ANKS1B: variants seen among roughly 807,000 people sequenced by gnomAD.
ANKS1B encodes ankyrin repeat and sterile alpha motif domain-containing protein 1B.
In ANKS1B, 36 loss-of-function variants were observed where a neutral mutation model predicts 148.3. The observed-to-expected ratio is 0.24, with a 90% CI of 0.19 to 0.32. The LOEUF (loss-of-function observed/expected upper bound fraction) is 0.32, where lower values mean the gene tolerates loss of function less well. Among genes scored for constraint, ANKS1B ranks in the 10% least tolerant of loss-of-function variants. The pLI is 1.00. For synonymous variants in ANKS1B, 542 were observed against 560.8 expected, an observed-to-expected ratio of 0.97 and a Z score of 0.47; for missense variants, 1,157 against 1,542.6, an observed-to-expected ratio of 0.75 and a Z score of 4.19.
intron 17 of ANKS1B, among the ~76,000 whole-genome samples, chr12:98,836,444 G>A (rs1293060168): frequency 2.0e-5 from 3 of 152,036 alleles, no homozygotes; most frequent in African/African-American, 7.2e-5. Context: ...GGTGACAGTG[G>A]GCTTCAAAAC....
At position 98,768,472 on chromosome 12, in the gene ANKS1B, T is replaced by C. The variant is rs372677010; in HGVS notation, c.3579+4570A>G. 1.7e-3 allele frequency among the ~76,000 whole-genome samples: 234 copies of C among 136,962 alleles called. 2 individuals are homozygous for C. Among genetic ancestry groups the C allele is most frequent in the African/African-American group, 3.6e-3 (132 of 37,038 alleles). The allele number at this position is 136,962 out of a possible 152,430, so 89.9% of individuals were successfully genotyped here. A position where few individuals can be genotyped will look rare whatever the true frequency, so the allele number is the denominator to read the frequency against. ...AAAAAAGGCCGGGCACGGTGGCTCATGCCTGTAATCCCAGCACTTTGGGAG... is the reference window on the plus strand; with the variant it reads ...AAAAAAGGCCGGGCACGGTGGCTCACGCCTGTAATCCCAGCACTTTGGGAG... On this transcript the variant is annotated intron_variant, in intron 25 of 26. Transcript: ENST00000683438.
At chr12:99,673,400 C>G (rs2098547523) in intron 8 of ANKS1B, among the ~76,000 whole-genome samples, 3 of 152,116 alleles carry the variant, frequency 2.0e-5, no homozygotes, top group South Asian at 4.1e-4. Context: ...TTTGTTTTTA[C>G]ATCCCAAACA....
At chr12:98,803,704 C>G (rs1454959559) in intron 20 of ANKS1B, among the ~76,000 whole-genome samples, 2 of 152,166 alleles carry the variant, frequency 1.3e-5, no homozygotes, top group East Asian at 3.8e-4. Context: ...GGGCTGGGAA[C>G]AGGGCTGGGG....
intron 15 of ANKS1B, among the ~76,000 whole-genome samples, chr12:99,120,466 T>C (rs2062499244): frequency 6.6e-6 from 1 of 152,226 alleles, no homozygotes; most frequent in Non-Finnish European, 1.5e-5. Context: ...GTGAATATAA[T>C]CAATACATAA....
intron 1 of ANKS1B, among the ~76,000 whole-genome samples, chr12:99,861,842 C>A (rs1475482171): frequency 6.6e-6 from 1 of 151,990 alleles, no homozygotes; most frequent in Admixed American, 6.6e-5. Flanking sequence ...TATTCCAAAG[C>A]TGTTATACGA....
At chr12:99,473,166 TAGACATATTAATTATGTCAC>T (rs1298033572) in intron 10 of ANKS1B, among the ~76,000 whole-genome samples, 2 of 152,064 alleles carry the variant, frequency 1.3e-5, no homozygotes, top group Non-Finnish European at 2.9e-5. Context: ...ATATAGTCAT[TAGACATATTAATTATGTCAC>T]AGACATATTG....
intron 12 of ANKS1B, among the ~76,000 whole-genome samples, chr12:99,387,945 T>C (rs1465354503): frequency 6.6e-6 from 1 of 151,990 alleles, no homozygotes; most frequent in Admixed American, 6.6e-5. Context: ...CCATGAACTC[T>C]AAGAACAACA....
chr12:99,653,815 T>G (rs1462270958), intron 9 of ANKS1B, among the ~76,000 whole-genome samples: 1 of 151,668 alleles, frequency 6.6e-6, no homozygotes, highest in East Asian at 1.9e-4. Flanking sequence ...GGGTGTGTAC[T>G]ACCACACCTG....
chr12:99,862,284 G>GA (rs1378274092), intron 1 of ANKS1B, among the ~76,000 whole-genome samples: 1 of 151,644 alleles, frequency 6.6e-6, no homozygotes, highest in South Asian at 2.1e-4. Flanking sequence ...GATTGTTTTT[G>GA]AAAAAAATAA....
At chr12:99,013,868 T>C (rs963575641) in intron 17 of ANKS1B, among the ~76,000 whole-genome samples, 1 of 151,790 alleles carries the variant, frequency 6.6e-6, no homozygotes, top group African/African-American at 2.4e-5. Flanking sequence ...AAATCAGAGA[T>C]GATACAAACA....
chr12:99,686,011 A>T (rs1053182772), intron 8 of ANKS1B, among the ~76,000 whole-genome samples: 1 of 152,078 alleles, frequency 6.6e-6, no homozygotes, highest in East Asian at 1.9e-4. Context: ...ATAAAAGACT[A>T]TGCATTGGGT....
chr12:98,765,875 A>G (rs1160056391), intron 25 of ANKS1B, among the ~76,000 whole-genome samples: 1 of 152,220 alleles, frequency 6.6e-6, no homozygotes, highest in East Asian at 1.9e-4. Context: ...GATTACAGGC[A>G]TGAGCCATCG....
intron 4 of ANKS1B, among the ~76,000 whole-genome samples, chr12:99,791,534 T>A (rs1313333816): frequency 6.6e-6 from 1 of 151,878 alleles, no homozygotes; most frequent in Non-Finnish European, 1.5e-5. Flanking sequence ...AAACATTTTT[T>A]AAAAATGAAA....
chr12:99,333,022 A>C (rs554141944), intron 12 of ANKS1B, among the ~76,000 whole-genome samples: 312 of 152,220 alleles, frequency 2.0e-3, no homozygotes, highest in Non-Finnish European at 3.6e-3. Context: ...GTTTTCCAGT[A>C]AGGCAATAAC....
chr12:99,414,364 T>C (rs1289890972), intron 11 of ANKS1B, among the ~76,000 whole-genome samples: 1 of 152,056 alleles, frequency 6.6e-6, no homozygotes, highest in Non-Finnish European at 1.5e-5. Context: ...CTAGTAAGAG[T>C]ATAAAGACAC....
rs745751689 is a variant in ANKS1B, at chr12:98,768,189, C to G, written c.3579+4853G>C. Among the ~76,000 whole-genome samples, 42 of 152,204 alleles carry G rather than the reference C, an allele frequency of 2.8e-4. 1 individual carries two copies. The Middle Eastern group carries it at 0.02, about 74-fold the overall frequency. On this transcript the variant is annotated intron_variant, in intron 25 of 26. Transcript: ENST00000683438. ...TATGACAACAACGAGAGCATAGACT[C>G]CAGAATACAGAGCAGGCTTGGTGCT... is the stretch of plus-strand genomic sequence containing the variant.
At chr12:99,098,509 G>T (rs1443341565) in intron 15 of ANKS1B, among the ~76,000 whole-genome samples, 2 of 151,790 alleles carry the variant, frequency 1.3e-5, no homozygotes, top group South Asian at 2.1e-4. Context: ...GTACAATGGG[G>T]ATAACACTAA....
intron 14 of ANKS1B, among the ~76,000 whole-genome samples, chr12:99,158,007 C>A (rs1238810253): frequency 6.6e-6 from 1 of 151,276 alleles, no homozygotes; most frequent in Non-Finnish European, 1.5e-5. Flanking sequence ...TACATGTTGA[C>A]AAAATGTTAT....
intron 1 of ANKS1B, among the ~76,000 whole-genome samples, chr12:99,951,364 CTATTTG>C (rs1332350011): frequency 1.3e-5 from 2 of 152,162 alleles, no homozygotes; most frequent in Non-Finnish European, 2.9e-5. Context: ...TTCTTGTCCT[CTATTTG>C]TATCAGGCAA....
Sources: allele counts gnomAD v4.1 joint callset (sites outside exome capture counted in the v4.1 genomes callset), GRCh38; gene constraint gnomAD v4.1.1; transcripts MANE v1.5; gene names NCBI Gene and HGNC (gene_info 2026-07-23, HGNC 2026-07-21).